The following BORA variants were observed in gnomAD, a reference collection of about 807,000 sequenced individuals.
BORA encodes protein aurora borealis.
BORA carries 26 observed loss-of-function variants against 55.8 expected under a neutral mutation model. The observed-to-expected ratio is 0.47, with a 90% CI of 0.34 to 0.65. BORA has a LOEUF of 0.65. Among genes scored for constraint, BORA ranks in the 30% least tolerant of loss-of-function variants. The probability of loss-of-function intolerance (pLI) is 0.01; values close to 1 mark genes in which losing one functional copy is unlikely to be tolerated. For missense variants in BORA, 568 were observed against 671.5 expected, an observed-to-expected ratio of 0.85 and a Z score of 1.70; for synonymous variants, 201 against 216.9, an observed-to-expected ratio of 0.93 and a Z score of 0.64.
At chr13:72,748,577 T>A (rs1349949165) in intron 10 of BORA, among the ~76,000 whole-genome samples, 1 of 152,214 alleles carries the variant, frequency 6.6e-6, no homozygotes, top group African/African-American at 2.4e-5. Context: ...ACTTACAGCT[T>A]CATTGCTCAA....
rs370200384 is a variant in BORA, at chr13:72,753,836, T to G, written c.1614+15T>G. 199 of 1,600,006 alleles carry G rather than the reference T, an allele frequency of 1.2e-4. No individual in the cohort carries two copies. In the African/African-American group the frequency reaches 2.4e-3, roughly 19 times the overall value. On this transcript the variant is annotated intron_variant, in intron 11 of 11. Coordinates refer to ENST00000390667, the MANE Select transcript of BORA (RefSeq NM_024808.5). Reference sequence around the variant, plus strand: ...TTAATATGAAGGTACGGAGAAAATATAGTGAAAGCTTAATATTGTTTAGAT... The same window carrying G: ...TTAATATGAAGGTACGGAGAAAATAGAGTGAAAGCTTAATATTGTTTAGAT...
chr13:72,755,088 A>AT, intron 11 of BORA, 63 bp from the exon 12 acceptor site: 4 of 1,418,622 alleles, frequency 2.8e-6, no homozygotes, highest in Non-Finnish European at 4.0e-6. Flanking sequence ...AACAGTCCCG[A>AT]TAATTGCATC....
intron 6 of BORA, 23 bp from the exon 7 acceptor site, chr13:72,744,481 GT>G (rs1566225380): frequency 6.3e-7 from 1 of 1,599,106 alleles, no homozygotes; most frequent in South Asian, 1.1e-5. Flanking sequence ...GTTTGAATTT[GT>G]TTATTTATTT....
At chr13:72,745,789 T>C (rs928639164) in intron 8 of BORA, among the ~76,000 whole-genome samples, 155 bp from the exon 9 acceptor site, 1 of 152,246 alleles carries the variant, frequency 6.6e-6, no homozygotes, top group African/African-American at 2.4e-5. Flanking sequence ...TGTAGCAATC[T>C]TCTTAGTTGT....
At chr13:72,741,478 A>C (rs1193766919) in intron 5 of BORA, among the ~76,000 whole-genome samples, 1 of 151,818 alleles carries the variant, frequency 6.6e-6, no homozygotes, top group African/African-American at 2.4e-5. Context: ...TTTCCTGTTA[A>C]TTTCTAAGAT....
chr13:72,751,079 A>G (rs959568866), intron 10 of BORA, among the ~76,000 whole-genome samples: 1 of 152,182 alleles, frequency 6.6e-6, no homozygotes, highest in African/African-American at 2.4e-5. Flanking sequence ...CCTCTTCTTT[A>G]AATGGGGATA....
At chr13:72,744,405 G>A in intron 6 of BORA, 100 bp from the exon 7 acceptor site, 2 of 950,074 alleles carry the variant, frequency 2.1e-6, no homozygotes, top group South Asian at 3.1e-5. Context: ...GAACATCACG[G>A]GGAGATGATT....
At chr13:72,736,736 C>A (rs748244535) in intron 4 of BORA, among the ~76,000 whole-genome samples, 9 of 151,902 alleles carry the variant, frequency 5.9e-5, no homozygotes, top group Admixed American at 2.6e-4. Context: ...TAGATTTTAC[C>A]ATATTGCCCT....
chr13:72,745,401 G>A (rs1431207222), intron 8 of BORA, among the ~76,000 whole-genome samples, 194 bp downstream of exon 8: 1 of 152,156 alleles, frequency 6.6e-6, no homozygotes, highest in Non-Finnish European at 1.5e-5. Context: ...ACTCATGACT[G>A]TATTCTCTCC....
chr13:72,728,059 G>T (rs1248151401), intron 1 of BORA, 52 bp downstream of exon 1: 12 of 1,549,672 alleles, frequency 7.7e-6, no homozygotes, highest in East Asian at 2.4e-5. Flanking sequence ...GAATGGAGAG[G>T]TTTCTTTTCC....
In BORA at chr13:72,747,010, G is replaced by C; in HGVS notation, c.1381G>C (p.Asp461His). 1 of 1,614,098 alleles carries C rather than the reference G, an allele frequency of 6.2e-7. No individual in the cohort carries two copies. Among genetic ancestry groups the C allele is most frequent in the Non-Finnish European group, 8.5e-7 (1 of 1,180,000 alleles). Residue 461 changes from aspartate to histidine, a missense_variant, in exon 10 of 12, where the codon GAT becomes CAT. Coordinates refer to ENST00000390667, the MANE Select transcript of BORA (RefSeq NM_024808.5). Reference sequence around the variant, plus strand: ...TGATAATGGCAGTTTACCCATGACTGATTTTGTAAGTGGCATTGCCTTCAG... The same window carrying C: ...TGATAATGGCAGTTTACCCATGACTCATTTTGTAAGTGGCATTGCCTTCAG... ...PVDNGSLPMT[D>H]FVSGIAFSIE...
At position 72,747,038 on chromosome 13, in the gene BORA, T is replaced by C. The variant is rs752182388; in HGVS notation, c.1409T>C (p.Ile470Thr). ...TTTGTAAGTGGCATTGCCTTCAGTATTGAAAACTCTCATATGTGCATGTCA... is the reference window on the plus strand; with the variant it reads ...TTTGTAAGTGGCATTGCCTTCAGTACTGAAAACTCTCATATGTGCATGTCA... ...TDFVSGIAFS[I>T]ENSHMCMSPL... Residue 470 changes from isoleucine to threonine, a missense_variant, in exon 10 of 12, where the codon ATT (isoleucine) becomes ACT (threonine). Physicochemically the swap from Ile to Thr is moderately conservative, Grantham distance 89. Transcript: ENST00000390667. 31 of 1,613,984 alleles carry C rather than the reference T, an allele frequency of 1.9e-5. No individual in the cohort carries two copies. Among genetic ancestry groups the C allele is most frequent in the Non-Finnish European group, 2.5e-5 (29 of 1,179,982 alleles).
intron 10 of BORA, 139 bp downstream of exon 10, chr13:72,747,250 C>A: frequency 1.2e-6 from 1 of 859,066 alleles, no homozygotes; most frequent in Non-Finnish European, 1.6e-6. Context: ...AATATTAATA[C>A]CAAGTGATAT....
At position 72,739,426 on chromosome 13, in the gene BORA, G is replaced by A. The variant is rs2032994067; in HGVS notation, c.388+1383G>A. Reference sequence around the variant, plus strand: ...GCTGTGCTGTTTACTGTGTTGTTGGGAGACAATTCTCCATAGGCCTCACAT... The same window carrying A: ...GCTGTGCTGTTTACTGTGTTGTTGGAAGACAATTCTCCATAGGCCTCACAT... On this transcript the variant is annotated intron_variant, in intron 5 of 11. Transcript: ENST00000390667. Among the ~76,000 whole-genome samples the A allele has an allele frequency of 3.9e-5, 6 of 152,302 alleles. No individual in the cohort carries two copies. In the South Asian group the frequency reaches 1.2e-3, roughly 32 times the overall value.
In BORA at chr13:72,746,857, C is replaced by A; in HGVS notation, c.1228C>A (p.Gln410Lys). 6.2e-7 allele frequency: 1 copy of A among 1,614,140 alleles called. No individual in the cohort carries two copies. Among genetic ancestry groups the A allele is most frequent in the South Asian group, 1.1e-5 (1 of 91,060 alleles). The change falls in exon 10 of 12, where the codon CAG becomes AAG. Residue 410 changes from glutamine to lysine, a missense_variant. Gln to Lys is a moderately conservative substitution (Grantham distance 53). Coordinates refer to ENST00000390667, the MANE Select transcript of BORA (RefSeq NM_024808.5). ...GACTGCCATGTCTGTTACACAAAAT[C>A]AGTCCAGTGCTTCTGAGAAAGAATT... is the stretch of plus-strand genomic sequence containing the variant. ...VVTAMSVTQN[Q>K]SSASEKELAL...
Position 72,755,918 on chromosome 13 carries a change from C to T in BORA, c.*702C>T, listed in dbSNP as rs1445817724. The T allele has an allele frequency of 5.0e-6, 2 of 398,404 alleles. No individual in the cohort carries two copies. The highest frequency in any genetic ancestry group is 8.8e-6 in the Non-Finnish European group (2 of 226,038). The allele number at this position is 398,404 out of a possible 1,614,324, so 24.7% of individuals were successfully genotyped here. Reference sequence around the variant, plus strand: ...GTAGGGACATCCTTTCCAGCTCAAACGTGGGTAGGGATGTGGGAGAATAAG... The same window carrying T: ...GTAGGGACATCCTTTCCAGCTCAAATGTGGGTAGGGATGTGGGAGAATAAG... On this transcript the variant is annotated 3_prime_UTR_variant, in exon 12 of 12. Transcript: ENST00000390667.
intron 10 of BORA, among the ~76,000 whole-genome samples, chr13:72,750,788 C>T (rs1019482251): frequency 1.1e-4 from 17 of 152,052 alleles, no homozygotes; most frequent in East Asian, 5.8e-4. Context: ...TAATAGATAT[C>T]GTCATCTGTC....
chr13:72,753,938 T>G, intron 11 of BORA, 117 bp downstream of exon 11: 1 of 1,071,724 alleles, frequency 9.3e-7, no homozygotes, highest in Admixed American at 2.9e-5. Flanking sequence ...CACTAAAAGG[T>G]AAGCCTGTTT....
At chr13:72,744,906 TA>T (rs1237021619) in intron 7 of BORA, 74 bp from the exon 8 acceptor site, 2 of 1,408,458 alleles carry the variant, frequency 1.4e-6, no homozygotes, top group Admixed American at 3.7e-5. Flanking sequence ...GCTGGCTTCT[TA>T]AAAGTTGAGT....
Sources: gnomAD v4.1 joint callset for allele counts (sites outside exome capture counted in the v4.1 genomes callset) on GRCh38, gnomAD v4.1.1 for gene constraint, MANE v1.5 for transcripts, NCBI Gene and HGNC (gene_info 2026-07-23, HGNC 2026-07-21) for gene names.